Variants in PDE12 observed in about 807,000 individuals in gnomAD.
PDE12 encodes the protein phosphodiesterase 12.
PDE12 carries 26 observed loss-of-function variants against 45.4 expected under a neutral mutation model. The ratio of observed to expected loss-of-function variants is 0.57; its 90% CI spans 0.42 to 0.79. The LOEUF (loss-of-function observed/expected upper bound fraction) is 0.79. Ranked by LOEUF, PDE12 falls within the 30% of genes least tolerant of loss-of-function variation. The pLI is 0.00. For missense variants in PDE12, 668 were observed against 790.0 expected, an observed-to-expected ratio of 0.85 and a Z score of 1.85; for synonymous variants, 283 against 323.9, an observed-to-expected ratio of 0.87 and a Z score of 1.36.
At chr3:57,645,144 T>C in the PDE12 span, among the ~76,000 whole-genome samples, 1 of 152,104 alleles carries the variant, frequency 6.6e-6, no homozygotes, top group Non-Finnish European at 1.5e-5. Context: ...TCGCTATTAA[T>C]GACAATATAG....
At chr3:57,651,395 T>C in the PDE12 span, among the ~76,000 whole-genome samples, 1 of 152,112 alleles carries the variant, frequency 6.6e-6, no homozygotes, top group Non-Finnish European at 1.5e-5. Context: ...TTATTCTGGG[T>C]GAAGGAAGAC....
chr3:57,597,874 G>T, the PDE12 span: 1 of 152,348 alleles, frequency 6.6e-6, no homozygotes, highest in Admixed American at 6.5e-5. Context: ...AGACCGGTCC[G>T]GTCTTTTGCG....
chr3:57,603,384 C>A, the PDE12 span, among the ~76,000 whole-genome samples: 3 of 151,892 alleles, frequency 2.0e-5, no homozygotes, highest in African/African-American at 4.8e-5. Context: ...TGTCACCAGG[C>A]TGGAGTGCAG....
At chr3:57,578,145 G>A in the PDE12 span, among the ~76,000 whole-genome samples, 6 of 152,098 alleles carry the variant, frequency 3.9e-5, no homozygotes, top group East Asian at 1.9e-4. Flanking sequence ...GTGGGATAGC[G>A]CGAGTGTGTA....
the PDE12 span, chr3:57,631,220 AG>A: frequency 2.2e-6 from 1 of 454,580 alleles, no homozygotes; most frequent in South Asian, 2.7e-5. Flanking sequence ...TTTTTGAGAC[AG>A]AGCCTTGTTC....
the PDE12 span, among the ~76,000 whole-genome samples, chr3:57,651,730 A>G: frequency 0.023 from 3,548 of 152,274 alleles, 133 homozygotes; most frequent in African/African-American, 0.08. Context: ...CACACCAGAA[A>G]GCAAGACAGT....
At chr3:57,629,678 ATTTTTT>A in the PDE12 span, among the ~76,000 whole-genome samples, 2 of 136,494 alleles carry the variant, frequency 1.5e-5, no homozygotes, top group African/African-American at 5.4e-5. Flanking sequence ...CGCCCGGCTA[ATTTTTT>A]TTTTTTTTTT....
the PDE12 span, among the ~76,000 whole-genome samples, chr3:57,652,034 C>T: frequency 9.2e-5 from 14 of 152,106 alleles, no homozygotes; most frequent in Admixed American, 2.6e-4. Context: ...ACCCTCTCTA[C>T]AAAAATAATA....
Position 57,563,613 on chromosome 3 carries a change from A to G in PDE12, c.*3609A>G, listed in dbSNP as rs1349179686. 6.6e-6 allele frequency: 1 copy of G among 152,254 alleles called. No individual in the cohort carries two copies. The highest frequency in any genetic ancestry group is 1.9e-4 in the East Asian group (1 of 5,204). 9.4% of individuals were successfully genotyped at this position (152,254 alleles called of 1,614,324 possible). On this transcript the variant is annotated 3_prime_UTR_variant, in exon 3 of 3. Coordinates refer to ENST00000311180, the MANE Select transcript of PDE12 (RefSeq NM_177966.7). Reference sequence around the variant, plus strand: ...GGCAACACTATCTAGAGGGCCAGGCATAGTGGCTCTTGACTGTAATCACAA... The same window carrying G: ...GGCAACACTATCTAGAGGGCCAGGCGTAGTGGCTCTTGACTGTAATCACAA...
the PDE12 span, among the ~76,000 whole-genome samples, chr3:57,647,979 T>C: frequency 2.0e-5 from 3 of 151,734 alleles, no homozygotes; most frequent in South Asian, 6.2e-4. Context: ...AACTATTAGC[T>C]TGGGGGACAA....
the PDE12 span, among the ~76,000 whole-genome samples, chr3:57,609,442 TCCA>T: frequency 2.0e-5 from 3 of 151,928 alleles, no homozygotes; most frequent in Non-Finnish European, 4.4e-5. Flanking sequence ...AATCAATGAA[TCCA>T]GGAGCTGTTT....
the PDE12 span, chr3:57,572,265 T>C: frequency 6.2e-7 from 1 of 1,614,102 alleles, no homozygotes; most frequent in Non-Finnish European, 8.5e-7. Context: ...TACAGACCAG[T>C]TCCTTGTGTT....
chr3:57,599,012 T>C, the PDE12 span, among the ~76,000 whole-genome samples: 3 of 152,188 alleles, frequency 2.0e-5, no homozygotes, highest in Non-Finnish European at 4.4e-5. Flanking sequence ...AGGACACGCG[T>C]CCATGACATA....
chr3:57,592,277 T>C, the PDE12 span, among the ~76,000 whole-genome samples: 11 of 152,034 alleles, frequency 7.2e-5, no homozygotes, highest in African/African-American at 2.4e-4. Context: ...TCACCTGAGG[T>C]CAGGAGTTTG....
chr3:57,588,788 C>T, the PDE12 span, among the ~76,000 whole-genome samples: 2 of 146,310 alleles, frequency 1.4e-5, no homozygotes, highest in Admixed American at 1.4e-4. Flanking sequence ...AAAACCCTGT[C>T]ACTACAAAAA....
At chr3:57,582,126 C>T in the PDE12 span, among the ~76,000 whole-genome samples, 4 of 152,234 alleles carry the variant, frequency 2.6e-5, no homozygotes, top group Admixed American at 1.3e-4. Flanking sequence ...CCAAGAATTT[C>T]GGATAAGGAA....
chr3:57,633,450 T>C, the PDE12 span: 1 of 987,144 alleles, frequency 1.0e-6, no homozygotes, highest in Non-Finnish European at 1.5e-6. Context: ...TATACATTTA[T>C]ACTTGATATT....
the PDE12 span, among the ~76,000 whole-genome samples, chr3:57,653,940 A>ATTTTT: frequency 1.9e-5 from 2 of 105,852 alleles, no homozygotes; most frequent in Non-Finnish European, 3.8e-5. Flanking sequence ...TTAGAAATTC[A>ATTTTT]CTTTTTTTTT....
the PDE12 span, among the ~76,000 whole-genome samples, chr3:57,574,152 G>A: frequency 1.3e-5 from 2 of 151,326 alleles, no homozygotes; most frequent in Non-Finnish European, 2.9e-5. Context: ...TCTTGGCCAT[G>A]TTGGTCTTGA....
Sources: allele counts gnomAD v4.1 joint callset (sites outside exome capture counted in the v4.1 genomes callset), GRCh38; gene constraint gnomAD v4.1.1; transcripts MANE v1.5; gene names NCBI Gene and HGNC (gene_info 2026-07-23, HGNC 2026-07-21).